Variants in MBNL2 observed in about 807,000 individuals in gnomAD.
MBNL2 encodes the protein muscleblind like splicing regulator 2.
MBNL2 carries 17 observed loss-of-function variants against 41.9 expected under a neutral mutation model. The ratio of observed to expected loss-of-function variants is 0.41; its 90% CI spans 0.28 to 0.61. The LOEUF (loss-of-function observed/expected upper bound fraction) is 0.61, where lower values mean the gene tolerates loss of function less well. Ranked by LOEUF, MBNL2 falls within the 20% of genes least tolerant of loss-of-function variation. The pLI is 0.35. For synonymous variants in MBNL2, 195 were observed against 182.9 expected, an observed-to-expected ratio of 1.07 and a Z score of -0.53; for missense variants, 336 against 505.6, an observed-to-expected ratio of 0.66 and a Z score of 3.22.
chr13:97,341,857 G>T (rs754520725), intron 3 of MBNL2, among the ~76,000 whole-genome samples: 22 of 152,192 alleles, frequency 1.4e-4, no homozygotes, highest in Non-Finnish European at 2.4e-4. Context: ...TCCATCCAGG[G>T]TCATAAATAG....
chr13:97,152,448 G>T, the MBNL2 span, among the ~76,000 whole-genome samples: 1 of 152,016 alleles, frequency 6.6e-6, no homozygotes, highest in African/African-American at 2.4e-5. Context: ...GTACGGCCAA[G>T]TGCGAACACA....
At chr13:97,293,708 G>T (rs1377069932) in intron 2 of MBNL2, among the ~76,000 whole-genome samples, 1 of 152,056 alleles carries the variant, frequency 6.6e-6, no homozygotes, top group African/African-American at 2.4e-5. Context: ...TCTGAGCTTA[G>T]TATTTCCTGA....
chr13:97,374,400 GC>G (rs1250709298), intron 8 of MBNL2, among the ~76,000 whole-genome samples: 2 of 151,696 alleles, frequency 1.3e-5, no homozygotes, highest in Non-Finnish European at 2.9e-5. Context: ...GCCCGCCTCA[GC>G]CTCCCAAAGT....
intron 8 of MBNL2, among the ~76,000 whole-genome samples, chr13:97,367,662 A>G (rs2063968979): frequency 6.6e-6 from 1 of 152,070 alleles, no homozygotes; most frequent in South Asian, 2.1e-4. Flanking sequence ...GCAGGAATAA[A>G]AGTTAAACCC....
Position 97,343,123 on chromosome 13 carries a change from G to A in MBNL2, c.447G>A (p.Leu149=). Reference sequence around the variant, plus strand: ...TTGGGTTGGTCCCAACGGAAATTCTGCCCACCACGCCTGTTATTGTTCCCG... The same window carrying A: ...TTGGGTTGGTCCCAACGGAAATTCTACCCACCACGCCTGTTATTGTTCCCG... The part of the protein sequence containing the change: ...PGVGLVPTEI[L]PTTPVIVPGS... Residue 149 remains leucine, a synonymous_variant, in exon 4 of 9, where the codon CTG becomes CTA. Coordinates refer to ENST00000679496, the MANE Select transcript of MBNL2 (RefSeq NM_001382683.1). 1 of 1,613,966 alleles carries A rather than the reference G, an allele frequency of 6.2e-7. No homozygotes were observed.
chr13:97,166,282 G>T, the MBNL2 span, among the ~76,000 whole-genome samples: 1 of 152,204 alleles, frequency 6.6e-6, no homozygotes, highest in African/African-American at 2.4e-5. Flanking sequence ...CTTGTGGTCT[G>T]TTAACATATT....
At chr13:97,224,628 C>CAAAAAAAAAAAAAAAAAA (rs538498133) in intron 1 of MBNL2, among the ~76,000 whole-genome samples, 1 of 107,450 alleles carries the variant, frequency 9.3e-6, no homozygotes, top group Admixed American at 1.0e-4. Context: ...GACCTTTTAC[C>CAAAAAAAAAAAAAAAAAA]AAAAAAAAAA....
chr13:97,216,539 ATCTC>A (rs2040392885), upstream of MBNL2, among the ~76,000 whole-genome samples: 1 of 152,110 alleles, frequency 6.6e-6, no homozygotes, highest in South Asian at 2.1e-4. Flanking sequence ...TTTCTGTCTC[ATCTC>A]TCTCTTGCTA....
chr13:97,280,314 T>C (rs2053109983), intron 2 of MBNL2, among the ~76,000 whole-genome samples: 1 of 152,178 alleles, frequency 6.6e-6, no homozygotes, highest in Non-Finnish European at 1.5e-5. Context: ...TAATGCTTAT[T>C]AAGACTAAAA....
intron 2 of MBNL2, among the ~76,000 whole-genome samples, chr13:97,290,011 T>C (rs2055492094): frequency 6.6e-6 from 1 of 152,210 alleles, no homozygotes; most frequent in Non-Finnish European, 1.5e-5. Flanking sequence ...GGTAACTGTA[T>C]AACTGCAATC....
chr13:97,343,649 G>T (rs2061600365), intron 4 of MBNL2, among the ~76,000 whole-genome samples: 1 of 152,112 alleles, frequency 6.6e-6, no homozygotes, highest in Admixed American at 6.5e-5. Flanking sequence ...GACACTGGTG[G>T]GAGTAAGTGG....
At chr13:97,337,386 C>T (rs576100712) in intron 3 of MBNL2, among the ~76,000 whole-genome samples, 34 of 152,338 alleles carry the variant, frequency 2.2e-4, no homozygotes, top group African/African-American at 7.2e-4. Context: ...TACCTCTCAG[C>T]GGTGCTCAAG....
At chr13:97,341,099 C>T (rs2061406101) in intron 3 of MBNL2, among the ~76,000 whole-genome samples, 1 of 152,128 alleles carries the variant, frequency 6.6e-6, no homozygotes. Context: ...TTGATAGTCT[C>T]TGGGTTAAAT....
the MBNL2 span, among the ~76,000 whole-genome samples, chr13:97,205,120 G>A: frequency 6.7e-6 from 1 of 149,740 alleles, no homozygotes; most frequent in African/African-American, 2.4e-5. Flanking sequence ...GCAGTGAGCT[G>A]AGATTGCACC....
chr13:97,205,751 ATGT>A, the MBNL2 span, among the ~76,000 whole-genome samples: 6 of 152,210 alleles, frequency 3.9e-5, no homozygotes, highest in African/African-American at 9.6e-5. Context: ...AAGCTCATTA[ATGT>A]TGTTGATTTA....
chr13:97,214,725 T>A, the MBNL2 span, among the ~76,000 whole-genome samples: 14 of 152,224 alleles, frequency 9.2e-5, no homozygotes, highest in African/African-American at 2.6e-4. Flanking sequence ...ACCACTTTCA[T>A]AGAAGGAGGT....
chr13:97,274,268 C>A (rs898152674), intron 1 of MBNL2, among the ~76,000 whole-genome samples: 1 of 152,120 alleles, frequency 6.6e-6, no homozygotes, highest in Non-Finnish European at 1.5e-5. Context: ...GTGGGCAGAT[C>A]ACCTGAGGTC....
At chr13:97,248,568 T>C (rs2045933513) in intron 1 of MBNL2, among the ~76,000 whole-genome samples, 1 of 152,224 alleles carries the variant, frequency 6.6e-6, no homozygotes, top group African/African-American at 2.4e-5. Flanking sequence ...GAGCCAACCA[T>C]TCCCAAAACA....
intron 2 of MBNL2, among the ~76,000 whole-genome samples, chr13:97,327,243 C>T (rs1381084054): frequency 6.6e-6 from 1 of 152,114 alleles, no homozygotes; most frequent in Non-Finnish European, 1.5e-5. Context: ...TAATTCACCA[C>T]TTCTGCTGAA....
Sources: allele counts gnomAD v4.1 joint callset (sites outside exome capture counted in the v4.1 genomes callset), GRCh38; gene constraint gnomAD v4.1.1; transcripts MANE v1.5; gene names NCBI Gene and HGNC (gene_info 2026-07-23, HGNC 2026-07-21).